C10orf67: variants seen among roughly 807,000 people sequenced by gnomAD.
The protein encoded by C10orf67 is uncharacterized protein C10orf67, mitochondrial.
C10orf67 carries 60 observed loss-of-function variants against 35.6 expected under a neutral mutation model. The ratio of observed to expected loss-of-function variants is 1.68; its 90% CI spans 1.37 to 2.09. C10orf67 has a LOEUF of 2.09. Ranked by LOEUF, C10orf67 falls within the 30% of genes most tolerant of loss-of-function variation. C10orf67 has a pLI of 0.00. For synonymous variants in C10orf67, 167 were observed against 115.8 expected (o/e 1.44, Z -2.84); for missense variants, 474 against 330.2 (o/e 1.44, Z -3.38).
At chr10:23,251,927 T>G (rs1216857445) in intron 10 of C10orf67, among the ~76,000 whole-genome samples, 1 of 152,234 alleles carries the variant, frequency 6.6e-6, no homozygotes, top group East Asian at 1.9e-4. Flanking sequence ...TCTGGCCGTC[T>G]TCACTGTCTT....
At chr10:23,297,768 G>A (rs11013370) in intron 5 of C10orf67, among the ~76,000 whole-genome samples, 29,169 of 152,194 alleles carry the variant, frequency 0.19, 3,088 homozygotes, top group Admixed American at 0.29. Flanking sequence ...GCACAAGTGC[G>A]CAGTCGCAGC....
chr10:23,220,311 C>T (rs566049595), intron 15 of C10orf67, among the ~76,000 whole-genome samples: 64 of 152,098 alleles, frequency 4.2e-4, no homozygotes, highest in Non-Finnish European at 7.9e-4. Context: ...CTCAAGAGGA[C>T]AGGTAGAGAG....
chr10:23,336,633 G>A (rs1845690262), intron 1 of C10orf67, among the ~76,000 whole-genome samples: 1 of 152,146 alleles, frequency 6.6e-6, no homozygotes, highest in South Asian at 2.1e-4. Context: ...TCACGCCTCA[G>A]TCTCCGAAGT....
intron 4 of C10orf67, among the ~76,000 whole-genome samples, chr10:23,311,510 G>A (rs751610699): frequency 5.3e-5 from 8 of 152,072 alleles, no homozygotes; most frequent in East Asian, 1.9e-4. Flanking sequence ...TCCGGAGTTC[G>A]AGACCAGCCT....
intron 7 of C10orf67, among the ~76,000 whole-genome samples, chr10:23,287,462 T>C (rs1032023862): frequency 6.6e-6 from 1 of 152,182 alleles, no homozygotes; most frequent in Non-Finnish European, 1.5e-5. Flanking sequence ...TTACACCTTA[T>C]ACAAAAATTA....
At chr10:23,239,599 G>A (rs1842128766) in intron 13 of C10orf67, 130 bp downstream of exon 13, 2 of 472,088 alleles carry the variant, frequency 4.2e-6, no homozygotes, top group South Asian at 5.3e-5. Flanking sequence ...TCAGCATCTA[G>A]CAGTGACTGC....
At chr10:23,226,287 A>T (rs1015446338) in intron 13 of C10orf67, among the ~76,000 whole-genome samples, 1 of 152,148 alleles carries the variant, frequency 6.6e-6, no homozygotes, top group African/African-American at 2.4e-5. Flanking sequence ...TAAGAAACTC[A>T]CTCAAAACCA....
chr10:23,329,797 C>CAAAAAAAAAAAAAAAAAAAAAAAAAAA (rs398013008), intron 2 of C10orf67, among the ~76,000 whole-genome samples: 6 of 48,074 alleles, frequency 1.2e-4, no homozygotes, highest in East Asian at 6.5e-4. Context: ...GAACTTGTCT[C>CAAAAAAAAAAAAAAAAAAAAAAAAAAA]AAAAAAAAAA....
intron 8 of C10orf67, among the ~76,000 whole-genome samples, chr10:23,272,100 A>G (rs959777102): frequency 1.3e-5 from 2 of 152,156 alleles, no homozygotes; most frequent in Admixed American, 1.3e-4. Flanking sequence ...TATTTTTTAT[A>G]GAGATGAAGT....
intron 13 of C10orf67, among the ~76,000 whole-genome samples, chr10:23,228,263 T>C (rs1049692852): frequency 3.3e-5 from 5 of 152,024 alleles, no homozygotes; most frequent in East Asian, 1.9e-4. Context: ...TGGAACAGAA[T>C]AGAGCCCTCA....
At chr10:23,300,034 C>T (rs558063644) in intron 5 of C10orf67, among the ~76,000 whole-genome samples, 104 of 151,796 alleles carry the variant, frequency 6.9e-4, no homozygotes, top group African/African-American at 2.3e-3. Flanking sequence ...AGACAGTTAA[C>T]CTCCTGGCCT....
chr10:23,252,527 C>A (rs1261449536), intron 10 of C10orf67, among the ~76,000 whole-genome samples: 1 of 152,122 alleles, frequency 6.6e-6, no homozygotes, highest in Non-Finnish European at 1.5e-5. Context: ...TGTTTAAGCA[C>A]TGGAGATACA....
intron 4 of C10orf67, among the ~76,000 whole-genome samples, chr10:23,316,372 C>T (rs1844711431): frequency 6.6e-6 from 1 of 152,218 alleles, no homozygotes. Flanking sequence ...TGCAGAGCCC[C>T]AAAGAGGGTG....
chr10:23,226,809 C>T (rs1009892126), intron 13 of C10orf67, among the ~76,000 whole-genome samples: 2 of 152,176 alleles, frequency 1.3e-5, no homozygotes, highest in Non-Finnish European at 2.9e-5. Context: ...ATACTATAAA[C>T]ACCTCTATGC....
intron 10 of C10orf67, among the ~76,000 whole-genome samples, chr10:23,261,574 A>C (rs1292243543): frequency 6.6e-6 from 1 of 152,160 alleles, no homozygotes; most frequent in African/African-American, 2.4e-5. Context: ...CGCCTCTCAA[A>C]GTGTTGGAAT....
intron 1 of C10orf67, among the ~76,000 whole-genome samples, chr10:23,339,860 C>T (rs1845817077): frequency 6.6e-6 from 1 of 152,180 alleles, no homozygotes; most frequent in South Asian, 2.1e-4. Context: ...ACCCTGAGTG[C>T]TACATCAATA....
At chr10:23,226,716 G>C (rs867446630) in intron 13 of C10orf67, among the ~76,000 whole-genome samples, 7 of 152,170 alleles carry the variant, frequency 4.6e-5, no homozygotes, top group Middle Eastern at 3.4e-3. Context: ...GAAGAAAAGA[G>C]AGAAGAATCA....
intron 8 of C10orf67, among the ~76,000 whole-genome samples, chr10:23,278,564 G>T (rs1038363611): frequency 1.3e-5 from 2 of 152,160 alleles, no homozygotes; most frequent in Admixed American, 1.3e-4. Context: ...AAGATAACAG[G>T]CCATCTCTAT....
intron 3 of C10orf67, among the ~76,000 whole-genome samples, chr10:23,321,500 T>C (rs561043266): frequency 6.6e-6 from 1 of 152,208 alleles, no homozygotes; most frequent in South Asian, 2.1e-4. Context: ...GCCTGAGCCA[T>C]CGCCTCCCAG....
Sources: allele counts gnomAD v4.1 joint callset (sites outside exome capture counted in the v4.1 genomes callset), GRCh38; gene constraint gnomAD v4.1.1; transcripts MANE v1.5; gene names NCBI Gene and HGNC (gene_info 2026-07-23, HGNC 2026-07-21).